KPNA3: variants seen among roughly 807,000 people sequenced by gnomAD.
KPNA3 encodes karyopherin subunit alpha 3, also known as importin subunit alpha-4.
A neutral mutation model predicts 73.8 loss-of-function variants in KPNA3; 13 were observed. The observed-to-expected ratio is 0.18, with a 90% CI of 0.11 to 0.28. KPNA3 has a LOEUF of 0.28. Ranked by LOEUF, KPNA3 falls within the 10% of genes least tolerant of loss-of-function variation. The pLI, the probability that KPNA3 is intolerant of heterozygous loss-of-function variation, is 1.00. For missense variants in KPNA3, 360 were observed against 618.1 expected (o/e 0.58, Z 4.43); for synonymous variants, 186 against 206.9 (o/e 0.90, Z 0.87).
chr13:49,761,291 C>T (rs921729797), intron 1 of KPNA3, among the ~76,000 whole-genome samples: 5 of 152,140 alleles, frequency 3.3e-5, no homozygotes, highest in Non-Finnish European at 5.9e-5. Flanking sequence ...AATGGCGAGC[C>T]GAAGCTGGAC....
intron 2 of KPNA3, among the ~76,000 whole-genome samples, chr13:49,733,251 C>T (rs1434534308): frequency 1.3e-5 from 2 of 150,608 alleles, no homozygotes; most frequent in Non-Finnish European, 3.0e-5. Context: ...GGCTTTTACA[C>T]ACACACACTT....
At chr13:49,777,034 T>G (rs1298705921) in intron 1 of KPNA3, among the ~76,000 whole-genome samples, 1 of 152,226 alleles carries the variant, frequency 6.6e-6, no homozygotes, top group Non-Finnish European at 1.5e-5. Flanking sequence ...GCCCAATACT[T>G]AGCCAACATG....
intron 10 of KPNA3, among the ~76,000 whole-genome samples, chr13:49,713,671 AC>A (rs1196901214): frequency 2.5e-3 from 379 of 149,444 alleles, no homozygotes; most frequent in South Asian, 3.9e-3. Context: ...ACACACACAC[AC>A]ACAAAACAGA....
At chr13:49,745,302 G>C (rs1301628304) in intron 2 of KPNA3, among the ~76,000 whole-genome samples, 3 of 151,850 alleles carry the variant, frequency 2.0e-5, no homozygotes, top group Non-Finnish European at 4.4e-5. Context: ...AAGAAAATGT[G>C]TACTTTCAGA....
intron 1 of KPNA3, among the ~76,000 whole-genome samples, chr13:49,786,682 A>C (rs1017417858): frequency 6.6e-6 from 1 of 152,218 alleles, no homozygotes; most frequent in Non-Finnish European, 1.5e-5. Flanking sequence ...ACTACTGGTT[A>C]CTCAAGCATC....
At chr13:49,721,510 T>C (rs1244241212) in intron 9 of KPNA3, among the ~76,000 whole-genome samples, 3 of 152,064 alleles carry the variant, frequency 2.0e-5, no homozygotes, top group Non-Finnish European at 4.4e-5. Flanking sequence ...TTAAATATGG[T>C]ACGTTACTTT....
intron 2 of KPNA3, among the ~76,000 whole-genome samples, chr13:49,745,568 G>C (rs1954609670): frequency 6.6e-6 from 1 of 151,890 alleles, no homozygotes; most frequent in East Asian, 2.0e-4. Flanking sequence ...ATGTTGGCCA[G>C]GCTGGTCTCG....
chr13:49,755,841 T>C (rs1408271425), intron 1 of KPNA3, among the ~76,000 whole-genome samples: 1 of 152,172 alleles, frequency 6.6e-6, no homozygotes, highest in Non-Finnish European at 1.5e-5. Flanking sequence ...GAAAAGATGA[T>C]TTAAAAATTC....
chr13:49,746,628 T>C (rs1321028986), intron 2 of KPNA3, among the ~76,000 whole-genome samples: 2 of 152,232 alleles, frequency 1.3e-5, no homozygotes, highest in Admixed American at 1.3e-4. Flanking sequence ...TATTTACTTC[T>C]GTAAAGTATC....
intron 9 of KPNA3, among the ~76,000 whole-genome samples, chr13:49,720,613 T>C (rs1404377103): frequency 6.6e-6 from 1 of 151,136 alleles, no homozygotes; most frequent in Non-Finnish European, 1.5e-5. Context: ...AAAATTAGCC[T>C]GGCATGGTGG....
chr13:49,742,065 T>C (rs1266502857), intron 2 of KPNA3, among the ~76,000 whole-genome samples: 1 of 152,222 alleles, frequency 6.6e-6, no homozygotes, highest in African/African-American at 2.4e-5. Context: ...AGTTGATTTT[T>C]GTATATGGTG....
chr13:49,751,254 T>C (rs1954660503), intron 1 of KPNA3, among the ~76,000 whole-genome samples: 1 of 152,088 alleles, frequency 6.6e-6, no homozygotes, highest in Non-Finnish European at 1.5e-5. Flanking sequence ...TAGGAAACTG[T>C]ACAACCATCC....
chr13:49,723,225 C>T (rs529389351), intron 7 of KPNA3, among the ~76,000 whole-genome samples: 3 of 151,982 alleles, frequency 2.0e-5, no homozygotes, highest in Non-Finnish European at 4.4e-5. Flanking sequence ...CATATTTATA[C>T]AGAGTTGTGA....
intron 16 of KPNA3, 134 bp downstream of exon 16, chr13:49,702,252 C>T: frequency 1.7e-6 from 1 of 597,638 alleles, no homozygotes. Flanking sequence ...GAGAAAGTGA[C>T]TGATGGAATG....
intron 1 of KPNA3, among the ~76,000 whole-genome samples, chr13:49,769,731 A>G (rs1033102800): frequency 1.3e-5 from 2 of 152,244 alleles, no homozygotes; most frequent in African/African-American, 4.8e-5. Context: ...TGATAATGCT[A>G]TAACAAGCAT....
At chr13:49,708,912 T>C (rs560638844) in intron 12 of KPNA3, among the ~76,000 whole-genome samples, 1 of 152,322 alleles carries the variant, frequency 6.6e-6, no homozygotes, top group South Asian at 2.1e-4. Context: ...CTAATTTTGC[T>C]GGGAGATCAA....
At chr13:49,773,875 A>G (rs1305103368) in intron 1 of KPNA3, among the ~76,000 whole-genome samples, 1 of 152,142 alleles carries the variant, frequency 6.6e-6, no homozygotes, top group African/African-American at 2.4e-5. Context: ...AAGTAACCAT[A>G]TTCTGAAAGT....
chr13:49,778,597 T>C (rs1174887474), intron 1 of KPNA3, among the ~76,000 whole-genome samples: 1 of 151,338 alleles, frequency 6.6e-6, no homozygotes, highest in Non-Finnish European at 1.5e-5. Flanking sequence ...TATTATTCTC[T>C]CTACTTTTAC....
At chr13:49,735,418 G>A (rs1002231578) in intron 2 of KPNA3, among the ~76,000 whole-genome samples, 17 of 152,110 alleles carry the variant, frequency 1.1e-4, no homozygotes, top group East Asian at 7.7e-4. Flanking sequence ...CACCGCGCCC[G>A]CCCCATACTT....
Sources: allele counts gnomAD v4.1 joint callset (sites outside exome capture counted in the v4.1 genomes callset), GRCh38; gene constraint gnomAD v4.1.1; transcripts MANE v1.5; gene names NCBI Gene and HGNC (gene_info 2026-07-23, HGNC 2026-07-21).